Variants in ERICH6B observed in about 807,000 individuals in gnomAD.
ERICH6B encodes the protein glutamate rich 6B, also known as glutamate-rich protein 6B.
A neutral mutation model predicts 80.0 loss-of-function variants in ERICH6B; 69 were observed. The ratio of observed to expected loss-of-function variants is 0.86; its 90% confidence interval spans 0.71 to 1.05. The LOEUF is 1.05. Among genes scored for constraint, ERICH6B ranks in the 50% least tolerant of loss-of-function variants. ERICH6B has a pLI of 0.00. For synonymous variants in ERICH6B, 283 were observed against 291.9 expected (o/e 0.97, Z 0.31); for missense variants, 754 against 796.1 (o/e 0.95, Z 0.64).
intron 5 of ERICH6B, among the ~76,000 whole-genome samples, 199 bp downstream of exon 5, chr13:45,586,864 G>T (rs1404102958): frequency 6.6e-6 from 1 of 152,160 alleles, no homozygotes. Context: ...GGTCTGGGAT[G>T]GGATGAAACA....
intron 13 of ERICH6B, among the ~76,000 whole-genome samples, chr13:45,547,449 A>G (rs866303559): frequency 3.3e-5 from 5 of 152,182 alleles, no homozygotes; most frequent in African/African-American, 1.2e-4. Context: ...CTCTTAACCA[A>G]TCAGTAACAA....
chr13:45,607,917 G>C (rs1257575733), intron 1 of ERICH6B, among the ~76,000 whole-genome samples: 1 of 152,168 alleles, frequency 6.6e-6, no homozygotes, highest in African/African-American at 2.4e-5. Flanking sequence ...TCACAGGGAC[G>C]CCACAGTATA....
intron 3 of ERICH6B, among the ~76,000 whole-genome samples, chr13:45,595,162 A>G (rs1438865512): frequency 6.6e-6 from 1 of 152,244 alleles, no homozygotes; most frequent in African/African-American, 2.4e-5. Flanking sequence ...CTGTTGACCT[A>G]GCAACAGAGT....
Position 45,568,707 on chromosome 13 carries a change from C to T in ERICH6B, c.1051-256G>A, listed in dbSNP as rs192338317. Among the ~76,000 whole-genome samples the T allele has an allele frequency of 8.1e-3, 1,233 of 152,254 alleles. 10 individuals carry two copies. Among genetic ancestry groups the T allele is most frequent in the South Asian group, 0.026 (127 of 4,816 alleles). Reference sequence around the variant, plus strand: ...CACGTTTACCTGTGTAACAAACTTGCACATCCTGTACCCTGAATTTAAAAG... The same window carrying T: ...CACGTTTACCTGTGTAACAAACTTGTACATCCTGTACCCTGAATTTAAAAG... On this transcript the variant is annotated intron_variant, in intron 8 of 14. Transcript: ENST00000298738.
rs140157696 is a variant in ERICH6B, at chr13:45,559,612, C to G, written c.1407+1757G>C. On this transcript the variant is annotated intron_variant, in intron 11 of 14. Coordinates refer to ENST00000298738, the MANE Select transcript of ERICH6B (RefSeq NM_182542.3). ...GTTGTGTCACTATTGTCATTCAGTT[C>G]TAAAAATTTTTAAATTTCCATCATG... 1.0e-3 allele frequency among the ~76,000 whole-genome samples: 155 copies of G among 152,188 alleles called. 1 individual carries two copies. The highest frequency in any genetic ancestry group is 3.5e-3 in the African/African-American group (147 of 41,520).
chr13:45,606,845 C>G (rs1480989338), intron 2 of ERICH6B, among the ~76,000 whole-genome samples: 1 of 151,878 alleles, frequency 6.6e-6, no homozygotes, highest in Admixed American at 6.6e-5. Context: ...TGAGCCACTG[C>G]ACCTCGCCTA....
intron 1 of ERICH6B, among the ~76,000 whole-genome samples, chr13:45,613,907 G>A (rs547247750): frequency 2.0e-4 from 31 of 152,244 alleles, no homozygotes; most frequent in African/African-American, 7.2e-4. Flanking sequence ...TGTTGGGCTG[G>A]GGGACTCATG....
At chr13:45,611,987 G>A (rs1453048047) in intron 1 of ERICH6B, among the ~76,000 whole-genome samples, 1 of 152,158 alleles carries the variant, frequency 6.6e-6, no homozygotes, top group Non-Finnish European at 1.5e-5. Flanking sequence ...ATATTTGAAG[G>A]TAGCTTTTAT....
At chr13:45,567,806 G>C (rs908787974) in intron 9 of ERICH6B, among the ~76,000 whole-genome samples, 2 of 152,244 alleles carry the variant, frequency 1.3e-5, no homozygotes, top group African/African-American at 4.8e-5. Flanking sequence ...CCTTACAGGG[G>C]CCCTGGCCAT....
intron 2 of ERICH6B, among the ~76,000 whole-genome samples, chr13:45,599,636 G>C (rs1446437804): frequency 6.6e-6 from 1 of 152,162 alleles, no homozygotes; most frequent in Non-Finnish European, 1.5e-5. Flanking sequence ...AGGTAGACTG[G>C]AATCTCCTGT....
chr13:45,580,027 C>T, intron 6 of ERICH6B, 53 bp from the exon 7 acceptor site: 1 of 1,377,778 alleles, frequency 7.3e-7, no homozygotes, highest in South Asian at 1.3e-5. Context: ...TGAACTAGTC[C>T]AGACCTTTTA....
chr13:45,573,093 T>C (rs1345183458), intron 8 of ERICH6B, among the ~76,000 whole-genome samples: 1 of 152,156 alleles, frequency 6.6e-6, no homozygotes, highest in Non-Finnish European at 1.5e-5. Flanking sequence ...GCTAGAAATT[T>C]ATTCTTTACA....
At chr13:45,573,822 G>A (rs908671505) in intron 8 of ERICH6B, among the ~76,000 whole-genome samples, 2 of 152,206 alleles carry the variant, frequency 1.3e-5, no homozygotes, top group Admixed American at 6.5e-5. Flanking sequence ...TGAATAATTT[G>A]TGTCTAACTA....
intron 4 of ERICH6B, among the ~76,000 whole-genome samples, chr13:45,589,004 C>G (rs1876046172): frequency 6.6e-6 from 1 of 152,164 alleles, no homozygotes; most frequent in African/African-American, 2.4e-5. Context: ...GGGAGCCGCT[C>G]CAGGCCTGGG....
At chr13:45,549,714 A>G (rs1202890178) in intron 13 of ERICH6B, among the ~76,000 whole-genome samples, 179 bp downstream of exon 13, 1 of 152,236 alleles carries the variant, frequency 6.6e-6, no homozygotes, top group Non-Finnish European at 1.5e-5. Context: ...TGCAGGAAGA[A>G]CATCGTGCCT....
chr13:45,570,238 T>C (rs1875095635), intron 8 of ERICH6B, among the ~76,000 whole-genome samples: 1 of 152,166 alleles, frequency 6.6e-6, no homozygotes, highest in Non-Finnish European at 1.5e-5. Context: ...CCTGGGTTAA[T>C]ATCTGGTTCT....
chr13:45,557,416 C>T (rs1874486814), intron 11 of ERICH6B, among the ~76,000 whole-genome samples: 1 of 152,188 alleles, frequency 6.6e-6, no homozygotes, highest in African/African-American at 2.4e-5. Flanking sequence ...TTTTGCTGCA[C>T]AAAAGCTCTT....
At chr13:45,541,739 G>A (rs1873788064) in intron 14 of ERICH6B, 59 bp from the exon 15 acceptor site, 2 of 1,484,872 alleles carry the variant, frequency 1.3e-6, no homozygotes. Context: ...CGGTGCCCCA[G>A]ACCCAGGCCA....
chr13:45,557,086 C>A (rs1202566936), intron 11 of ERICH6B, among the ~76,000 whole-genome samples: 13 of 152,184 alleles, frequency 8.5e-5, no homozygotes, highest in Admixed American at 8.5e-4. Flanking sequence ...TTCACCGCAT[C>A]CACACCAACA....
Sources: allele counts gnomAD v4.1 joint callset (sites outside exome capture counted in the v4.1 genomes callset), GRCh38; gene constraint gnomAD v4.1.1; transcripts MANE v1.5; gene names NCBI Gene and HGNC (gene_info 2026-07-23, HGNC 2026-07-21).